Variants in TMEM209 observed in about 807,000 individuals in gnomAD.
TMEM209 encodes the protein testicular tissue protein Li 202.
A neutral mutation model predicts 76.2 loss-of-function variants in TMEM209; 65 were observed. The observed-to-expected ratio is 0.85, with a 90% CI of 0.70 to 1.05. The LOEUF (loss-of-function observed/expected upper bound fraction) is 1.05, where lower values mean the gene tolerates loss of function less well. Among genes scored for constraint, TMEM209 ranks in the 50% least tolerant of loss-of-function variants. The pLI is 0.00. For synonymous variants in TMEM209, 239 were observed against 237.6 expected (o/e 1.01, Z -0.06); for missense variants, 623 against 685.5 (o/e 0.91, Z 1.02).
At chr7:130,176,336 T>TG (rs1209772856) in intron 10 of TMEM209, among the ~76,000 whole-genome samples, 1 of 151,876 alleles carries the variant, frequency 6.6e-6, no homozygotes, top group Non-Finnish European at 1.5e-5. Context: ...TTAGCCAGGA[T>TG]GGTCTCGATC....
intron 7 of TMEM209, 88 bp from the exon 8 acceptor site, chr7:130,184,343 T>A: frequency 2.0e-6 from 2 of 1,022,558 alleles, no homozygotes; most frequent in Non-Finnish European, 2.8e-6. Context: ...AAAAAATATT[T>A]AATGAACTTT....
At position 130,204,985 on chromosome 7, in the gene TMEM209, C is replaced by T. The variant is rs765407880; in HGVS notation, c.3+388G>A. On this transcript the variant is annotated intron_variant, in intron 1 of 14. Transcript: ENST00000397622. ...CACGTACTTATGATGGGGTGGTGAG[C>T]GGAGTAAGAGGGAGAGAGGGGAAAA... 3.6e-6 allele frequency: 4 copies of T among 1,121,504 alleles called. No individual in the cohort carries two copies. In the African/African-American group the frequency reaches 4.7e-5, roughly 13 times the overall value. 69.5% of individuals were successfully genotyped at this position (1,121,504 alleles called of 1,614,324 possible). A position where few individuals can be genotyped will look rare whatever the true frequency, so the allele number is the denominator to read the frequency against.
Position 130,178,443 on chromosome 7 carries a change from T to C in TMEM209, c.1205A>G (p.Asp402Gly). 6.2e-7 allele frequency: 1 copy of C among 1,613,640 alleles called. No individual in the cohort carries two copies. Among genetic ancestry groups the C allele is most frequent in the Non-Finnish European group, 8.5e-7 (1 of 1,179,728 alleles). The change falls in exon 10 of 15, where the codon GAC (aspartate) becomes GGC (glycine). Residue 402 changes from aspartate to glycine, a missense_variant. Transcript: ENST00000397622. ...PTLNTIVQYLDLTPNQEYLFE... is the reference protein window; with the variant it reads ...PTLNTIVQYLGLTPNQEYLFE... ...CAAGTATTCCTGATTTGGAGTAAGG[T>C]CTAGATACTGAACGATTGTGTTCAA...
intron 6 of TMEM209, chr7:130,192,352 G>C (rs1262970739): frequency 1.0e-5 from 4 of 400,542 alleles, no homozygotes; most frequent in Non-Finnish European, 1.9e-5. Flanking sequence ...TTATTTTGTA[G>C]CCTCAACTTT....
In TMEM209 at chr7:130,193,528, A is replaced by G. The variant is rs111569395; in HGVS notation, c.574-705T>C. Reference sequence around the variant, plus strand: ...CACTCCAGCCTGGACAATAAAAGCGAAACTCCATCTCAAAAGAAAAAAAAA... The same window carrying G: ...CACTCCAGCCTGGACAATAAAAGCGGAACTCCATCTCAAAAGAAAAAAAAA... On this transcript the variant is annotated intron_variant, in intron 5 of 14. Coordinates refer to ENST00000397622, the MANE Select transcript of TMEM209 (RefSeq NM_032842.4). Among the ~76,000 whole-genome samples, 154 of 152,070 alleles carry G rather than the reference A, an allele frequency of 1.0e-3. 1 individual carries two copies. Among genetic ancestry groups the G allele is most frequent in the Non-Finnish European group, 2.0e-3 (136 of 67,966 alleles).
At chr7:130,202,120 G>A in intron 4 of TMEM209, 29 bp from the exon 5 acceptor site, 2 of 1,564,428 alleles carry the variant, frequency 1.3e-6, no homozygotes, top group Middle Eastern at 1.7e-4. Context: ...CAACATATGT[G>A]TATGTACCTT....
chr7:130,189,972 C>A (rs986828996), intron 6 of TMEM209, among the ~76,000 whole-genome samples: 4 of 152,128 alleles, frequency 2.6e-5, no homozygotes, highest in Non-Finnish European at 4.4e-5. Context: ...TGAGCCTGAC[C>A]TATTTTGTGG....
chr7:130,197,415 A>G (rs1004470094), intron 5 of TMEM209, among the ~76,000 whole-genome samples: 1 of 152,240 alleles, frequency 6.6e-6, no homozygotes, highest in Non-Finnish European at 1.5e-5. Context: ...ATGTACTTAC[A>G]GTATCAAATT....
intron 9 of TMEM209, 37 bp from the exon 10 acceptor site, chr7:130,178,564 A>C: frequency 6.2e-7 from 1 of 1,608,378 alleles, no homozygotes; most frequent in Non-Finnish European, 8.5e-7. Flanking sequence ...TGATTATTCT[A>C]AAAGTGAGTT....
chr7:130,199,932 A>G (rs1181775552), intron 5 of TMEM209: 1 of 152,208 alleles, frequency 6.6e-6, no homozygotes, highest in Non-Finnish European at 1.5e-5. Flanking sequence ...CATGTAATTC[A>G]AAGGAGGCTC....
intron 5 of TMEM209, among the ~76,000 whole-genome samples, chr7:130,194,345 A>G (rs1374129734): frequency 6.6e-6 from 1 of 152,050 alleles, no homozygotes; most frequent in Non-Finnish European, 1.5e-5. Flanking sequence ...CATCAAAAAA[A>G]AAAAAGGTAA....
intron 10 of TMEM209, 78 bp from the exon 11 acceptor site, chr7:130,175,687 T>C (rs1335305291): frequency 4.6e-6 from 5 of 1,091,734 alleles, no homozygotes; most frequent in Non-Finnish European, 6.5e-6. Context: ...GGGAATATAA[T>C]AAGGGAAGCA....
chr7:130,202,521 A>G lies in TMEM209; in HGVS notation c.331+11T>C, dbSNP rs1479850227. ...TTTTCCCCACCTTTGCAAGAGATATAAAACACTCACCAGCTGTTTTCAACC... is the reference window on the plus strand; with the variant it reads ...TTTTCCCCACCTTTGCAAGAGATATGAAACACTCACCAGCTGTTTTCAACC... On this transcript the variant is annotated intron_variant, in intron 4 of 14. Coordinates refer to ENST00000397622, the MANE Select transcript of TMEM209 (RefSeq NM_032842.4). 2 of 1,598,882 alleles carry G rather than the reference A, an allele frequency of 1.3e-6. No individual in the cohort carries two copies. Among genetic ancestry groups the G allele is most frequent in the Non-Finnish European group, 1.7e-6 (2 of 1,175,080 alleles).
At chr7:130,205,022 T>A in intron 1 of TMEM209, 1 of 1,235,448 alleles carries the variant, frequency 8.1e-7, no homozygotes, top group East Asian at 3.8e-5. Context: ...GTGCATTGTT[T>A]TGGTCCACAT....
chr7:130,173,927 C>T lies in TMEM209; in HGVS notation c.1357G>A (p.Val453Ile). ...LPTDSAIIMH[V>I]FCTYLDSRLP... ...CTGGAATCAAGGTAGGTGCAAAATA[C>T]ATGCATGATGATCTGAGGATGAAGA... Residue 453 changes from valine to isoleucine, a missense_variant, in exon 12 of 15, where the codon GTA (valine) becomes ATA (isoleucine). Val to Ile is a conservative substitution (Grantham distance 29). Coordinates refer to ENST00000397622, the MANE Select transcript of TMEM209 (RefSeq NM_032842.4). 1 of 1,609,076 alleles carries T rather than the reference C, an allele frequency of 6.2e-7. No homozygotes were observed. Among genetic ancestry groups the T allele is most frequent in the Non-Finnish European group, 8.5e-7 (1 of 1,175,540 alleles).
intron 2 of TMEM209, 47 bp downstream of exon 2, chr7:130,203,927 G>C: frequency 5.0e-6 from 8 of 1,605,346 alleles, no homozygotes; most frequent in South Asian, 1.1e-5. Context: ...TGTGGAACCA[G>C]CCACTGGCTT....
intron 12 of TMEM209, 39 bp from the exon 13 acceptor site, chr7:130,173,768 C>T (rs762655315): frequency 1.2e-6 from 2 of 1,606,548 alleles, no homozygotes; most frequent in Non-Finnish European, 1.7e-6. Flanking sequence ...AAAAACCAAA[C>T]CCCCAGAGAT....
At chr7:130,193,975 A>G (rs6980030) in intron 5 of TMEM209, among the ~76,000 whole-genome samples, 25,890 of 151,254 alleles carry the variant, frequency 0.17, 2,775 homozygotes, top group Middle Eastern at 0.25. Context: ...TAGGTGGGCG[A>G]ATCACGGGGT....
chr7:130,192,690 A>G lies in TMEM209; in HGVS notation c.707T>C (p.Met236Thr). The change falls in exon 6 of 15, where the codon ATG becomes ACG. Residue 236 changes from methionine (M) to threonine (T), a missense_variant. Physicochemically the swap from Met to Thr is moderately conservative, Grantham distance 81 (BLOSUM62 -1). Transcript: ENST00000397622. ...AGTATCCAAAGTTCGTAGGTCGGTC[A>G]TGTAGTCTTCTTTGTCAGTAGGTGA... ...YNSPTDKEDY[M>T]TDLRTLDTFL... 6.2e-7 allele frequency: 1 copy of G among 1,613,842 alleles called. No individual in the cohort carries two copies. Among genetic ancestry groups the G allele is most frequent in the Non-Finnish European group, 8.5e-7 (1 of 1,179,764 alleles).
Sources: gnomAD v4.1 joint callset for allele counts (sites outside exome capture counted in the v4.1 genomes callset) on GRCh38, gnomAD v4.1.1 for gene constraint, MANE v1.5 for transcripts, NCBI Gene and HGNC (gene_info 2026-07-23, HGNC 2026-07-21) for gene names.